TMC2: variants seen among roughly 807,000 people sequenced by gnomAD.
The protein encoded by TMC2 is transmembrane channel like 2, also known as transmembrane channel-like protein 2.
A neutral mutation model predicts 105.9 loss-of-function variants in TMC2; 102 were observed. That is an observed-to-expected ratio of 0.96 (90% CI 0.82 to 1.14). The LOEUF is 1.14. Ranked by LOEUF, TMC2 falls within the 50% of genes most tolerant of loss-of-function variation. TMC2 has a pLI of 0.00. For missense variants in TMC2, 1,093 were observed against 1,134.3 expected (o/e 0.96, Z 0.52); for synonymous variants, 402 against 422.8 (o/e 0.95, Z 0.60).
intron 17 of TMC2, among the ~76,000 whole-genome samples, chr20:2,631,817 G>A (rs1167989846): frequency 4.6e-5 from 7 of 150,702 alleles, no homozygotes; most frequent in Non-Finnish European, 8.8e-5. Flanking sequence ...TCATATTTGG[G>A]GATGAAATCT....
intron 7 of TMC2, among the ~76,000 whole-genome samples, chr20:2,581,740 T>G (rs1333146314): frequency 6.6e-6 from 1 of 152,204 alleles, no homozygotes; most frequent in Non-Finnish European, 1.5e-5. Flanking sequence ...AAGGCAGGTT[T>G]GGGGGAAGTT....
At chr20:2,598,689 T>C (rs928235995) in intron 10 of TMC2, among the ~76,000 whole-genome samples, 1 of 152,130 alleles carries the variant, frequency 6.6e-6, no homozygotes, top group Non-Finnish European at 1.5e-5. Context: ...ATTACAAGCA[T>C]GAGCCACTGT....
chr20:2,569,532 A>T (rs2086088300), intron 4 of TMC2, among the ~76,000 whole-genome samples: 1 of 152,222 alleles, frequency 6.6e-6, no homozygotes, highest in South Asian at 2.1e-4. Context: ...TTTTTGGGGT[A>T]TTAAGTACAT....
At chr20:2,551,983 G>A (rs1429432648) in intron 2 of TMC2, among the ~76,000 whole-genome samples, 1 of 152,030 alleles carries the variant, frequency 6.6e-6, no homozygotes, top group African/African-American at 2.4e-5. Flanking sequence ...TCAGGGCTGG[G>A]TGCAGTAGCT....
At chr20:2,576,571 A>G (rs1411790624) in intron 5 of TMC2, among the ~76,000 whole-genome samples, 2 of 152,182 alleles carry the variant, frequency 1.3e-5, no homozygotes. Context: ...GCACCCTGAC[A>G]GGGGATCCAT....
At chr20:2,596,726 T>TGA (rs1008672682) in intron 9 of TMC2, among the ~76,000 whole-genome samples, 7 of 150,538 alleles carry the variant, frequency 4.6e-5, no homozygotes, top group Admixed American at 1.3e-4. Flanking sequence ...TATGTGTGTG[T>TGA]GTGTGTGTGT....
intron 17 of TMC2, among the ~76,000 whole-genome samples, chr20:2,631,253 ATC>A (rs1248609045): frequency 6.6e-6 from 1 of 152,210 alleles, no homozygotes; most frequent in African/African-American, 2.4e-5. Context: ...CACAAATTAC[ATC>A]TTTATACATT....
Position 2,612,325 on chromosome 20 carries a change from G to C in TMC2, c.1728G>C (p.Glu576Asp), listed in dbSNP as rs1191060911. The change falls in exon 13 of 20, where the codon GAG (glutamate) becomes GAC (aspartate). Residue 576 changes from glutamate (E) to aspartate (D), a missense_variant. Coordinates refer to ENST00000358864, the MANE Select transcript of TMC2 (RefSeq NM_080751.3). ...ATGTGCCCCGGGGTTCTTGCTGGGA[G>C]ACAGCTGTGGGCATTGTGAGTAGTT... Reference protein sequence around the residue: ...PADVPRGSCWETAVGIEFMRL... With the variant: ...PADVPRGSCWDTAVGIEFMRL... The C allele has an allele frequency of 6.3e-7, 1 of 1,579,194 alleles. No homozygotes were observed. Among genetic ancestry groups the C allele is most frequent in the East Asian group, 2.3e-5 (1 of 44,020 alleles).
At chr20:2,552,517 A>G (rs529860137) in intron 2 of TMC2, among the ~76,000 whole-genome samples, 1 of 151,950 alleles carries the variant, frequency 6.6e-6, no homozygotes, top group South Asian at 2.1e-4. Context: ...TATAAGTTTC[A>G]TTTATTTGTT....
Position 2,612,825 on chromosome 20 carries a change from A to C in TMC2, c.1744-369A>C, listed in dbSNP as rs530068589. Among the ~76,000 whole-genome samples the C allele has an allele frequency of 2.6e-5, 4 of 152,354 alleles. No individual in the cohort carries two copies. In the South Asian group the frequency reaches 8.3e-4, roughly 32 times the overall value. On this transcript the variant is annotated intron_variant, in intron 13 of 19. Transcript: ENST00000358864. ...GCTGGCACTTCAGAATAAGTGGGGA[A>C]GCAAGGCCTTCGGGTCCTAGTGATG...
At position 2,558,564 on chromosome 20, in the gene TMC2, C is replaced by T. The variant is rs1196319398; in HGVS notation, c.191C>T (p.Pro64Leu). The T allele has an allele frequency of 6.4e-7, 1 of 1,553,034 alleles. No homozygotes were observed. Among genetic ancestry groups the T allele is most frequent in the Non-Finnish European group, 8.7e-7 (1 of 1,147,960 alleles). The change falls in exon 3 of 20, where the codon CCA becomes CTA. Residue 64 changes from proline to leucine, a missense_variant. Physicochemically the swap from Pro to Leu is moderately conservative, Grantham distance 98. Transcript: ENST00000358864. The surrounding 1 kb of genome is among the most constrained non-coding windows in gnomAD (Gnocchi z 4.6). ...RSQKERAGGS[P>L]SPGSPRRKQT... ...CAGAAGGAGCGCGCCGGGGGCAGCCCAAGCCCGGGGTCTCCCCGGAGGAAG... is the reference window on the plus strand; with the variant it reads ...CAGAAGGAGCGCGCCGGGGGCAGCCTAAGCCCGGGGTCTCCCCGGAGGAAG...
chr20:2,539,348 T>C (rs1158612639), intron 2 of TMC2, among the ~76,000 whole-genome samples: 1 of 152,262 alleles, frequency 6.6e-6, no homozygotes, highest in Admixed American at 6.5e-5. Flanking sequence ...CATGTGAATT[T>C]CGTTCAGTTG....
rs2086040636 is a variant in TMC2 at position 2,563,275 on chromosome 20, G to A, written c.554+1265G>A. ...ACCAACACTGGGCCGACCCCGACAA[G>A]GAAAACAGAGCTTACCCCACGGCCC... On this transcript the variant is annotated intron_variant, in intron 4 of 19. Transcript: ENST00000358864. Among the ~76,000 whole-genome samples the A allele has an allele frequency of 2.6e-5, 4 of 152,156 alleles. No homozygotes were observed. In the South Asian group the frequency reaches 6.2e-4, roughly 24 times the overall value.
chr20:2,610,669 A>G, intron 12 of TMC2, 71 bp downstream of exon 12: 4 of 859,688 alleles, frequency 4.7e-6, no homozygotes. Flanking sequence ...TTAATATAAT[A>G]ATTTCATTAT....
intron 3 of TMC2, among the ~76,000 whole-genome samples, chr20:2,559,037 A>G (rs2086006166): frequency 6.6e-6 from 1 of 151,798 alleles, no homozygotes; most frequent in South Asian, 2.1e-4. Flanking sequence ...GCACCCGGTG[A>G]GGCGGGGCGC....
At chr20:2,611,870 G>A (rs5029364) in intron 12 of TMC2, among the ~76,000 whole-genome samples, 16,595 of 89,186 alleles carry the variant, frequency 0.19, 1,208 homozygotes, top group African/African-American at 0.26. Context: ...GGATGGATGG[G>A]TGGGTGGGTG....
chr20:2,545,051 AAT>A (rs142745820), intron 2 of TMC2, among the ~76,000 whole-genome samples: 42,425 of 130,518 alleles, frequency 0.33, 6,140 homozygotes, highest in Admixed American at 0.41. Flanking sequence ...AAAAAAAAAA[AAT>A]TTAATTAGAC....
intron 11 of TMC2, among the ~76,000 whole-genome samples, chr20:2,607,333 C>T (rs1249735133): frequency 2.0e-5 from 3 of 152,094 alleles, no homozygotes; most frequent in Non-Finnish European, 2.9e-5. Context: ...TAGACCTTCC[C>T]ATTCCTTTAT....
intron 7 of TMC2, among the ~76,000 whole-genome samples, chr20:2,586,388 T>G (rs1010676842): frequency 1.3e-5 from 2 of 152,170 alleles, no homozygotes; most frequent in African/African-American, 4.8e-5. Context: ...AGTCTACAAC[T>G]GTAGTAGCCT....
Sources: gnomAD v4.1 joint callset for allele counts (sites outside exome capture counted in the v4.1 genomes callset) on GRCh38, gnomAD v4.1.1 for gene constraint, Gnocchi (gnomAD v3.1) non-coding constraint, MANE v1.5 for transcripts, NCBI Gene and HGNC (gene_info 2026-07-23, HGNC 2026-07-21) for gene names.